SLC16A7: variants seen among roughly 807,000 people sequenced by gnomAD.
The protein encoded by SLC16A7 is monocarboxylate transporter 2.
A neutral mutation model predicts 34.9 loss-of-function variants in SLC16A7; 33 were observed. That is an observed-to-expected ratio of 0.94 (90% CI 0.72 to 1.26). The LOEUF (loss-of-function observed/expected upper bound fraction) is 1.26. Ranked by LOEUF, SLC16A7 falls within the 50% of genes most tolerant of loss-of-function variation. The pLI is 0.00. For synonymous variants in SLC16A7, 201 were observed against 206.6 expected (o/e 0.97, Z 0.23); for missense variants, 573 against 578.1 (o/e 0.99, Z 0.09).
intron 3 of SLC16A7, among the ~76,000 whole-genome samples, chr12:59,724,298 G>C (rs372006329): frequency 2.0e-5 from 3 of 151,942 alleles, no homozygotes; most frequent in East Asian, 3.9e-4. Flanking sequence ...ACCAGCCAAA[G>C]GACATATTGG....
At chr12:59,672,269 CGTATATATATGT>C (rs201128553) in intron 2 of SLC16A7, among the ~76,000 whole-genome samples, 13 of 120,294 alleles carry the variant, frequency 1.1e-4, no homozygotes, top group East Asian at 9.2e-4. Context: ...TGCATATATA[CGTATATATATGT>C]GTATATATAT....
At chr12:59,641,956 T>G (rs1420935386) in intron 1 of SLC16A7, among the ~76,000 whole-genome samples, 1 of 152,028 alleles carries the variant, frequency 6.6e-6, no homozygotes, top group Non-Finnish European at 1.5e-5. Flanking sequence ...CTATGTGCCC[T>G]AAAACACTGA....
intron 2 of SLC16A7, among the ~76,000 whole-genome samples, chr12:59,674,708 G>T (rs1031178295): frequency 6.6e-6 from 1 of 152,146 alleles, no homozygotes; most frequent in African/African-American, 2.4e-5. Flanking sequence ...CAGAAATAAG[G>T]CAGGAGATCT....
chr12:59,645,506 G>A (rs117147968), intron 1 of SLC16A7, among the ~76,000 whole-genome samples: 8,577 of 152,194 alleles, frequency 0.056, 328 homozygotes, highest in Non-Finnish European at 0.084. Flanking sequence ...GAAGAAGGAT[G>A]TGTTTGCTTC....
Position 59,662,115 on chromosome 12 carries a change from G to A in SLC16A7, c.-31+6865G>A, listed in dbSNP as rs117867992. ...TGTGTTTTCTGATTAATTTACTGCC[G>A]TTTTCCATTCAAAATATATATCTGA... On this transcript the variant is annotated intron_variant, in intron 2 of 5. Transcript: ENST00000547379. 1.7e-3 allele frequency among the ~76,000 whole-genome samples: 262 copies of A among 152,004 alleles called. 6 individuals are homozygous for A. The East Asian group carries it at 0.038, about 22-fold the overall frequency.
intron 1 of SLC16A7, among the ~76,000 whole-genome samples, chr12:59,633,425 G>A (rs931712365): frequency 6.6e-6 from 1 of 151,984 alleles, no homozygotes; most frequent in African/African-American, 2.4e-5. Flanking sequence ...GAGAGATATT[G>A]TTACTTAACA....
At chr12:59,753,519 A>G (rs920074623) in intron 3 of SLC16A7, among the ~76,000 whole-genome samples, 1 of 152,178 alleles carries the variant, frequency 6.6e-6, no homozygotes, top group African/African-American at 2.4e-5. Context: ...AGACCATTAC[A>G]TAATGGTAAA....
chr12:59,665,465 ATTTTTATTATAGGAC>A (rs1869115612), intron 2 of SLC16A7, among the ~76,000 whole-genome samples: 1 of 151,954 alleles, frequency 6.6e-6, no homozygotes, highest in Admixed American at 6.6e-5. Context: ...AAATTAATAG[ATTTTTATTATAGGAC>A]TTAGGTAATT....
At chr12:59,665,230 A>G (rs973181949) in intron 2 of SLC16A7, among the ~76,000 whole-genome samples, 3 of 152,136 alleles carry the variant, frequency 2.0e-5, no homozygotes, top group Non-Finnish European at 4.4e-5. Flanking sequence ...AGATGTATTA[A>G]TCATAATTAT....
intron 3 of SLC16A7, among the ~76,000 whole-genome samples, chr12:59,753,531 G>T (rs1177500440): frequency 1.3e-5 from 2 of 151,976 alleles, no homozygotes; most frequent in Non-Finnish European, 2.9e-5. Context: ...AATGGTAAAG[G>T]GATCAATTCA....
intron 2 of SLC16A7, among the ~76,000 whole-genome samples, chr12:59,671,105 C>T (rs538904858): frequency 6.6e-6 from 1 of 152,174 alleles, no homozygotes; most frequent in Non-Finnish European, 1.5e-5. Context: ...AAATCTGCAT[C>T]TCTATTCCTG....
chr12:59,727,936 TAAG>T lies in SLC16A7; in HGVS notation c.217+22922_217+22924del, dbSNP rs1477459266. On this transcript the variant is annotated intron_variant, in intron 3 of 5. Coordinates refer to ENST00000547379, the MANE Select transcript of SLC16A7 (RefSeq NM_001270623.2). ...GGAAATTTAAAAATGTTGAGAAACT[TAAG>T]AAGCCACATGTATACTGATGTCACT... Among the ~76,000 whole-genome samples, 4 of 152,198 alleles carry T rather than the reference TAAG, an allele frequency of 2.6e-5. No homozygotes were observed. The South Asian group carries it at 6.2e-4, about 24-fold the overall frequency.
At chr12:59,611,120 G>C (rs1592387697) in intron 1 of SLC16A7, among the ~76,000 whole-genome samples, 1 of 152,272 alleles carries the variant, frequency 6.6e-6, no homozygotes, top group East Asian at 1.9e-4. Context: ...TCTACCATTA[G>C]GACTCAATCA....
intron 1 of SLC16A7, among the ~76,000 whole-genome samples, chr12:59,651,735 A>C (rs1208362688): frequency 1.3e-5 from 2 of 152,178 alleles, no homozygotes; most frequent in Non-Finnish European, 2.9e-5. Context: ...GCCACTTATC[A>C]GCTGATGTGA....
At chr12:59,766,670 A>G (rs545426795) in intron 3 of SLC16A7, among the ~76,000 whole-genome samples, 1 of 152,320 alleles carries the variant, frequency 6.6e-6, no homozygotes, top group African/African-American at 2.4e-5. Context: ...CTTGCATCCC[A>G]GGCATGAAGC....
intron 3 of SLC16A7, among the ~76,000 whole-genome samples, chr12:59,757,607 A>T (rs1228587776): frequency 6.6e-6 from 1 of 152,084 alleles, no homozygotes; most frequent in Non-Finnish European, 1.5e-5. Flanking sequence ...AAAATGTCAG[A>T]CAGAAATTTC....
intron 1 of SLC16A7, among the ~76,000 whole-genome samples, chr12:59,598,179 G>A (rs1426619790): frequency 1.3e-5 from 2 of 152,190 alleles, no homozygotes; most frequent in African/African-American, 4.8e-5. Flanking sequence ...CATGGAAAAA[G>A]GGAATTAACT....
At chr12:59,641,051 T>C (rs114415269) in intron 1 of SLC16A7, among the ~76,000 whole-genome samples, 2,180 of 152,168 alleles carry the variant, frequency 0.014, 53 homozygotes, top group African/African-American at 0.049. Context: ...TGAAAAATCT[T>C]ATTTAACTGT....
At position 59,604,016 on chromosome 12, in the gene SLC16A7, C is replaced by T. The variant is rs148973653; in HGVS notation, c.-130+7780C>T. On this transcript the variant is annotated intron_variant, in intron 1 of 5. Coordinates refer to ENST00000547379, the MANE Select transcript of SLC16A7 (RefSeq NM_001270623.2). ...ACTCTACCAATGTGGTGACAGCTCACATGTCTTTTGTTTTCTCTATCAATT... is the reference window on the plus strand; with the variant it reads ...ACTCTACCAATGTGGTGACAGCTCATATGTCTTTTGTTTTCTCTATCAATT... Among the ~76,000 whole-genome samples, 568 of 152,340 alleles carry T rather than the reference C, an allele frequency of 3.7e-3. 2 individuals are homozygous for T. The highest frequency in any genetic ancestry group is 8.6e-3 in the Admixed American group (132 of 15,308).
Sources: allele counts gnomAD v4.1 joint callset (sites outside exome capture counted in the v4.1 genomes callset), GRCh38; gene constraint gnomAD v4.1.1; transcripts MANE v1.5; gene names NCBI Gene and HGNC (gene_info 2026-07-23, HGNC 2026-07-21).